The following FRMD4A variants were observed in gnomAD, a reference collection of about 807,000 sequenced individuals.
FRMD4A encodes the protein FERM domain-containing protein 4A.
In FRMD4A, 29 loss-of-function variants were observed where a neutral mutation model predicts 129.1. The observed-to-expected ratio is 0.22, with a 90% CI of 0.17 to 0.31. FRMD4A has a LOEUF of 0.31. FRMD4A is among the 10% of genes least tolerant of loss of function. The probability of loss-of-function intolerance (pLI) is 1.00; values close to 1 mark genes in which losing one functional copy is unlikely to be tolerated. For synonymous variants in FRMD4A, 634 were observed against 571.6 expected, an observed-to-expected ratio of 1.11 and a Z score of -1.56; for missense variants, 1,272 against 1,375.8, an observed-to-expected ratio of 0.92 and a Z score of 1.19.
chr10:14,042,572 G>A lies in FRMD4A; in HGVS notation c.46-183660C>T, dbSNP rs972670284. Reference sequence around the variant, plus strand: ...TCAAGTGCTTTTTCTTCACGGCACCGAAGAACAGGCATTTCAAACAACTTT... The same window carrying A: ...TCAAGTGCTTTTTCTTCACGGCACCAAAGAACAGGCATTTCAAACAACTTT... On this transcript the variant is annotated intron_variant, in intron 2 of 24. Coordinates refer to ENST00000357447, the MANE Select transcript of FRMD4A (RefSeq NM_018027.5). Among the ~76,000 whole-genome samples the A allele has an allele frequency of 7.9e-5, 12 of 152,258 alleles. No homozygotes were observed. In the East Asian group the frequency reaches 1.3e-3, roughly 17 times the overall value.
At chr10:13,918,135 T>C (rs1201489526) in intron 2 of FRMD4A, among the ~76,000 whole-genome samples, 1 of 152,220 alleles carries the variant, frequency 6.6e-6, no homozygotes, top group African/African-American at 2.4e-5. Flanking sequence ...ACTTCCTATA[T>C]TGCATGTTTA....
chr10:13,844,320 C>T (rs1426055869), intron 3 of FRMD4A, among the ~76,000 whole-genome samples: 2 of 152,192 alleles, frequency 1.3e-5, no homozygotes, highest in Admixed American at 1.3e-4. Flanking sequence ...GATTTACCCA[C>T]ACTTCTCTAA....
At chr10:14,207,106 G>A (rs1394960940) in intron 2 of FRMD4A, among the ~76,000 whole-genome samples, 1 of 152,050 alleles carries the variant, frequency 6.6e-6, no homozygotes, top group Non-Finnish European at 1.5e-5. Context: ...GAGGGAAATG[G>A]TTAGATAAGC....
At chr10:14,197,164 T>G (rs1385585262) in intron 2 of FRMD4A, among the ~76,000 whole-genome samples, 1 of 152,152 alleles carries the variant, frequency 6.6e-6, no homozygotes, top group Non-Finnish European at 1.5e-5. Flanking sequence ...GTCTGGTACC[T>G]CAGTTGTTCA....
intron 3 of FRMD4A, among the ~76,000 whole-genome samples, chr10:13,820,855 G>C (rs1372011819): frequency 6.6e-6 from 1 of 152,248 alleles, no homozygotes; most frequent in Non-Finnish European, 1.5e-5. Flanking sequence ...TTAGGAGTGG[G>C]TGCAGCTGTG....
chr10:14,316,443 A>T (rs1846741411), intron 2 of FRMD4A, among the ~76,000 whole-genome samples: 1 of 149,372 alleles, frequency 6.7e-6, no homozygotes, highest in Non-Finnish European at 1.5e-5. Context: ...TGTCCAGTGG[A>T]ACTGTGAAAA....
intron 2 of FRMD4A, among the ~76,000 whole-genome samples, chr10:14,272,414 G>A (rs11258989): frequency 9.2e-5 from 14 of 152,240 alleles, no homozygotes; most frequent in African/African-American, 1.7e-4. Context: ...ATCTATGACC[G>A]TCATCCCTTT....
At chr10:13,823,092 T>C (rs1332649268) in intron 3 of FRMD4A, among the ~76,000 whole-genome samples, 2 of 152,218 alleles carry the variant, frequency 1.3e-5, no homozygotes, top group Non-Finnish European at 2.9e-5. Context: ...AAGTTGGGAC[T>C]GATACCCATG....
chr10:13,849,245 G>A (rs181706210), intron 3 of FRMD4A, among the ~76,000 whole-genome samples: 1 of 152,170 alleles, frequency 6.6e-6, no homozygotes, highest in Non-Finnish European at 1.5e-5. Flanking sequence ...CCCAGCTTCT[G>A]CACACGCCTT....
At chr10:13,811,189 G>A (rs2093438642) in intron 3 of FRMD4A, among the ~76,000 whole-genome samples, 1 of 150,784 alleles carries the variant, frequency 6.6e-6, no homozygotes, top group Non-Finnish European at 1.5e-5. Context: ...AGGCTGGAGT[G>A]CAGTGGCATG....
chr10:14,328,841 G>A (rs1843394794), intron 2 of FRMD4A, among the ~76,000 whole-genome samples: 1 of 152,126 alleles, frequency 6.6e-6, no homozygotes, highest in South Asian at 2.1e-4. Flanking sequence ...AGTATCATCA[G>A]ACGATAGAAT....
At chr10:13,806,135 G>A (rs1428086834) in intron 4 of FRMD4A, among the ~76,000 whole-genome samples, 1 of 152,062 alleles carries the variant, frequency 6.6e-6, no homozygotes, top group African/African-American at 2.4e-5. Context: ...GGTATTACAG[G>A]TGTGAGCCAC....
intron 3 of FRMD4A, among the ~76,000 whole-genome samples, chr10:13,848,015 G>A (rs746486090): frequency 3.3e-5 from 5 of 152,238 alleles, no homozygotes; most frequent in Admixed American, 1.3e-4. Context: ...GTGTGCACAC[G>A]TGTGTGCCTT....
At chr10:13,890,258 G>A (rs975529755) in intron 2 of FRMD4A, among the ~76,000 whole-genome samples, 1 of 152,142 alleles carries the variant, frequency 6.6e-6, no homozygotes, top group Non-Finnish European at 1.5e-5. Flanking sequence ...TCCTCTCCCT[G>A]ACTGCTGCCC....
intron 2 of FRMD4A, among the ~76,000 whole-genome samples, chr10:14,317,520 T>C (rs1034202930): frequency 2.0e-5 from 3 of 152,208 alleles, no homozygotes; most frequent in Non-Finnish European, 4.4e-5. Flanking sequence ...TGTTTGTTTA[T>C]TGGCCTTTCC....
At chr10:14,087,911 C>T (rs1291333709) in intron 2 of FRMD4A, among the ~76,000 whole-genome samples, 3 of 152,120 alleles carry the variant, frequency 2.0e-5, no homozygotes, top group Non-Finnish European at 4.4e-5. Flanking sequence ...TTTGAAGGGT[C>T]ATGTTGCAGC....
intron 2 of FRMD4A, chr10:14,326,534 T>C (rs1843282944): frequency 7.9e-6 from 2 of 254,138 alleles, no homozygotes; most frequent in Non-Finnish European, 1.5e-5. Context: ...GACACTTCAT[T>C]TATAGAAAAG....
At chr10:13,820,966 C>G (rs2130905950) in intron 3 of FRMD4A, among the ~76,000 whole-genome samples, 1 of 152,310 alleles carries the variant, frequency 6.6e-6, no homozygotes. Context: ...TCGGAAAACC[C>G]AGAGGGAAAG....
chr10:13,904,553 A>C (rs2094858829), intron 2 of FRMD4A, among the ~76,000 whole-genome samples: 1 of 152,230 alleles, frequency 6.6e-6, no homozygotes, highest in South Asian at 2.1e-4. Context: ...TTGTGTTTTA[A>C]TAATTTTCTT....
Sources: gnomAD v4.1 joint callset for allele counts (sites outside exome capture counted in the v4.1 genomes callset) on GRCh38, gnomAD v4.1.1 for gene constraint, MANE v1.5 for transcripts, NCBI Gene and HGNC (gene_info 2026-07-23, HGNC 2026-07-21) for gene names.